Variants in RPL22 observed in about 807,000 individuals in gnomAD.
RPL22 encodes the protein ribosomal protein L22, also known as large ribosomal subunit protein eL22.
RPL22 carries 4 observed loss-of-function variants against 16.2 expected under a neutral mutation model. The ratio of observed to expected loss-of-function variants is 0.25; its 90% CI spans 0.12 to 0.57. RPL22 has a LOEUF of 0.57. Ranked by LOEUF, RPL22 falls within the 20% of genes least tolerant of loss-of-function variation. The probability of loss-of-function intolerance (pLI) is 0.92; values close to 1 mark genes in which losing one functional copy is unlikely to be tolerated. For synonymous variants in RPL22, 43 were observed against 54.8 expected, an observed-to-expected ratio of 0.78 and a Z score of 0.95; for missense variants, 83 against 156.1, an observed-to-expected ratio of 0.53 and a Z score of 2.49.
chr1:6,189,804 C>G (rs896492043), intron 3 of RPL22, among the ~76,000 whole-genome samples: 3 of 152,084 alleles, frequency 2.0e-5, no homozygotes, highest in Non-Finnish European at 4.4e-5. Flanking sequence ...GCCTGTAATC[C>G]CAGCTACTCA....
chr1:6,193,602 C>T (rs934506719), intron 2 of RPL22, among the ~76,000 whole-genome samples: 3 of 151,918 alleles, frequency 2.0e-5, no homozygotes, highest in African/African-American at 7.3e-5. Context: ...GGATTACAGG[C>T]GTGAGCCACT....
chr1:6,196,796 G>A (rs1236529833), intron 2 of RPL22, among the ~76,000 whole-genome samples: 2 of 151,290 alleles, frequency 1.3e-5, no homozygotes, highest in Non-Finnish European at 2.9e-5. Flanking sequence ...AAAAAAAAAA[G>A]CTCCAATTAC....
intron 2 of RPL22, 36 bp downstream of exon 2, chr1:6,197,616 C>T (rs749046728): frequency 1.6e-5 from 23 of 1,402,404 alleles, no homozygotes; most frequent in Middle Eastern, 2.3e-4. Context: ...TCAAAATGTT[C>T]GTGACCACCC....
intron 3 of RPL22, among the ~76,000 whole-genome samples, chr1:6,187,106 G>A (rs1309646942): frequency 3.9e-5 from 6 of 152,046 alleles, no homozygotes; most frequent in Non-Finnish European, 8.8e-5. Flanking sequence ...TCAGGAGTTC[G>A]AGACCAGCCT....
intron 3 of RPL22, among the ~76,000 whole-genome samples, chr1:6,189,612 TA>T (rs550383303): frequency 0.046 from 5,743 of 125,578 alleles, 345 homozygotes; most frequent in African/African-American, 0.14. Flanking sequence ...AAAATCAGGT[TA>T]AAAAAAAAAA....
intron 2 of RPL22, among the ~76,000 whole-genome samples, chr1:6,197,449 C>T (rs927131371): frequency 1.3e-5 from 2 of 152,212 alleles, no homozygotes; most frequent in African/African-American, 2.4e-5. Context: ...TCTCCTTTTA[C>T]TCCTCACAAC....
chr1:6,193,814 A>C (rs934515250), intron 2 of RPL22, among the ~76,000 whole-genome samples: 1 of 152,210 alleles, frequency 6.6e-6, no homozygotes, highest in Non-Finnish European at 1.5e-5. Context: ...ATTTACATAC[A>C]TACTATGAGA....
intron 3 of RPL22, among the ~76,000 whole-genome samples, chr1:6,188,145 C>T (rs1190988076): frequency 6.6e-6 from 1 of 152,166 alleles, no homozygotes; most frequent in Non-Finnish European, 1.5e-5. Flanking sequence ...AATTCTCATG[C>T]CTCAGTCTCC....
intron 2 of RPL22, among the ~76,000 whole-genome samples, chr1:6,195,446 CAAA>C (rs536240875): frequency 1.5e-5 from 1 of 67,792 alleles, no homozygotes. Flanking sequence ...GACTCCGTCT[CAAA>C]AAAAAAAAAA....
intron 1 of RPL22, chr1:6,198,965 C>T (rs3789522): frequency 0.3 from 46,115 of 152,122 alleles, 7,361 homozygotes; most frequent in African/African-American, 0.4. Flanking sequence ...GAGGAGGGCG[C>T]CGCACAGCCC....
rs1464849164 is a variant in RPL22, at chr1:6,191,341, C to CA, written c.242+1588dup. ...CGCCACTGCACTCCAGCCTGGGTGACAGAGTGAGACTCCGTCTCAAAAAAA... is the reference window on the plus strand; with the variant it reads ...CGCCACTGCACTCCAGCCTGGGTGACAAGAGTGAGACTCCGTCTCAAAAAAA... On this transcript the variant is annotated intron_variant, in intron 3 of 3. Coordinates refer to ENST00000234875, the MANE Select transcript of RPL22 (RefSeq NM_000983.4). Among the ~76,000 whole-genome samples, 3 of 112,698 alleles carry CA rather than the reference C, an allele frequency of 2.7e-5. No individual in the cohort carries two copies. The East Asian group carries it at 7.7e-4, about 29-fold the overall frequency. 73.9% of individuals were successfully genotyped at this position (112,698 alleles called of 152,430 possible).
chr1:6,191,091 G>A (rs1667643672), intron 3 of RPL22, among the ~76,000 whole-genome samples: 1 of 152,050 alleles, frequency 6.6e-6, no homozygotes, highest in Non-Finnish European at 1.5e-5. Flanking sequence ...CGGGCGCGGT[G>A]GCTCACGCCT....
chr1:6,197,359 T>C (rs1416954528), intron 2 of RPL22, among the ~76,000 whole-genome samples: 2 of 152,186 alleles, frequency 1.3e-5, no homozygotes, highest in Non-Finnish European at 2.9e-5. Context: ...AGTAAAATCA[T>C]TTGTGGAAAC....
intron 3 of RPL22, among the ~76,000 whole-genome samples, chr1:6,188,607 G>A (rs186632430): frequency 4.2e-4 from 63 of 150,674 alleles, no homozygotes; most frequent in African/African-American, 1.2e-3. Flanking sequence ...GCTTGCTTCC[G>A]TGGCCCTGAG....
chr1:6,198,368 G>A (rs186899171), intron 1 of RPL22: 1 of 152,416 alleles, frequency 6.6e-6, no homozygotes, highest in Admixed American at 6.5e-5. Context: ...CAACACTACC[G>A]TCAAGAACTT....
chr1:6,193,143 T>C, intron 2 of RPL22, 89 bp from the exon 3 acceptor site: 3 of 1,502,608 alleles, frequency 2.0e-6, no homozygotes, highest in African/African-American at 1.4e-5. Flanking sequence ...TGAACTAATA[T>C]CATTTTTTGT....
intron 3 of RPL22, among the ~76,000 whole-genome samples, chr1:6,192,420 G>C (rs1004976096): frequency 8.5e-5 from 13 of 152,176 alleles, no homozygotes; most frequent in Non-Finnish European, 1.3e-4. Flanking sequence ...TAGCCTGGCC[G>C]GGCATGGTGG....
chr1:6,191,194 C>T (rs937094716), intron 3 of RPL22, among the ~76,000 whole-genome samples: 1 of 150,100 alleles, frequency 6.7e-6, no homozygotes, highest in Non-Finnish European at 1.5e-5. Flanking sequence ...CCTGTCTCTA[C>T]TAAAAAACAA....
intron 1 of RPL22, chr1:6,198,824 G>A (rs77329537): frequency 6.6e-6 from 1 of 152,146 alleles, no homozygotes; most frequent in Admixed American, 6.5e-5. Context: ...TAAACCAAAA[G>A]GCATTCAAAA....
Sources: gnomAD v4.1 joint callset for allele counts (sites outside exome capture counted in the v4.1 genomes callset) on GRCh38, gnomAD v4.1.1 for gene constraint, MANE v1.5 for transcripts, NCBI Gene and HGNC (gene_info 2026-07-23, HGNC 2026-07-21) for gene names.